BCL7A: variants seen among roughly 807,000 people sequenced by gnomAD.
BCL7A encodes BAF chromatin remodeling complex subunit BCL7A.
Under a neutral mutation model 28.4 loss-of-function variants are expected in BCL7A, and 11 were observed. That is an observed-to-expected ratio of 0.39 (90% CI 0.24 to 0.64). The LOEUF (loss-of-function observed/expected upper bound fraction) is 0.64, where lower values mean the gene tolerates loss of function less well. BCL7A is among the 30% of genes least tolerant of loss of function. The pLI, the probability that BCL7A is intolerant of heterozygous loss-of-function variation, is 0.50. For missense variants in BCL7A, 222 were observed against 274.8 expected (o/e 0.81, Z 1.36); for synonymous variants, 123 against 103.3 (o/e 1.19, Z -1.15).
At chr12:122,055,305 TG>T (rs1951869162) in intron 5 of BCL7A, among the ~76,000 whole-genome samples, 1 of 152,174 alleles carries the variant, frequency 6.6e-6, no homozygotes, top group Non-Finnish European at 1.5e-5. Flanking sequence ...ACCTAAGTGG[TG>T]GGGCCTCCGA....
chr12:122,024,750 G>T (rs1031810298), intron 1 of BCL7A, among the ~76,000 whole-genome samples: 1 of 152,098 alleles, frequency 6.6e-6, no homozygotes, highest in African/African-American at 2.4e-5. Flanking sequence ...AAATGTTTTT[G>T]AGTATGTCTC....
chr12:122,030,609 C>T, intron 1 of BCL7A, 91 bp from the exon 2 acceptor site: 2 of 1,209,376 alleles, frequency 1.7e-6, no homozygotes, highest in Non-Finnish European at 2.4e-6. Flanking sequence ...TCTGTGTGAT[C>T]TGGAGCTTGC....
At chr12:122,046,375 C>G (rs1323657658) in intron 4 of BCL7A, among the ~76,000 whole-genome samples, 1 of 152,162 alleles carries the variant, frequency 6.6e-6, no homozygotes, top group African/African-American at 2.4e-5. Flanking sequence ...AGGGCCACCC[C>G]AGGGCTCAGG....
intron 1 of BCL7A, among the ~76,000 whole-genome samples, chr12:122,023,438 TG>T: frequency 6.6e-6 from 1 of 152,246 alleles, no homozygotes; most frequent in Middle Eastern, 3.4e-3. Context: ...TAAAAGCCAC[TG>T]GGGGCGAGCC....
At chr12:122,053,948 A>C (rs949302387) in intron 4 of BCL7A, among the ~76,000 whole-genome samples, 1 of 152,144 alleles carries the variant, frequency 6.6e-6, no homozygotes, top group African/African-American at 2.4e-5. Context: ...GGAAACTGGA[A>C]AGACGGGAAT....
rs935757371 is a variant in BCL7A, at chr12:122,059,441, G to A, written c.*278G>A. The A allele has an allele frequency of 5.7e-5, 20 of 351,358 alleles. No homozygotes were observed. The highest frequency in any genetic ancestry group is 4.1e-4 in the African/African-American group (20 of 48,898). 21.8% of individuals were successfully genotyped at this position (351,358 alleles called of 1,614,324 possible). On this transcript the variant is annotated 3_prime_UTR_variant, in exon 6 of 6. Transcript: ENST00000261822. The surrounding 1 kb of genome is among the most constrained non-coding windows in gnomAD (Gnocchi z 4.0). ...TGTCTGCACACTGTCTCGGAAGCCAGGATTCCATTTGTGTTGCTGCTGTAT... is the reference window on the plus strand; with the variant it reads ...TGTCTGCACACTGTCTCGGAAGCCAAGATTCCATTTGTGTTGCTGCTGTAT...
chr12:122,046,788 G>C (rs1270311402), intron 4 of BCL7A, among the ~76,000 whole-genome samples: 7 of 152,208 alleles, frequency 4.6e-5, no homozygotes, highest in African/African-American at 1.7e-4. Flanking sequence ...AAGCAGAAGA[G>C]ACCCTTCCCT....
At position 122,061,848 on chromosome 12, in the gene BCL7A, A is replaced by C. The variant is rs1379438517; in HGVS notation, c.*2685A>C. On this transcript the variant is annotated 3_prime_UTR_variant, in exon 6 of 6. Transcript: ENST00000261822. ...AACGGTGTCATGGTTTGGAATGTTC[A>C]TTATCGCCAAGAACCTGGTTAGAGG... is the stretch of plus-strand genomic sequence containing the variant. 1 of 224,834 alleles carries C rather than the reference A, an allele frequency of 4.4e-6. No homozygotes were observed. Among genetic ancestry groups the C allele is most frequent in the East Asian group, 6.4e-5 (1 of 15,604 alleles). 13.9% of individuals were successfully genotyped at this position (224,834 alleles called of 1,614,324 possible).
intron 1 of BCL7A, among the ~76,000 whole-genome samples, chr12:122,023,377 A>C (rs2135834469): frequency 6.6e-6 from 1 of 152,266 alleles, no homozygotes; most frequent in African/African-American, 2.4e-5. Context: ...GCCCTGTGGC[A>C]GGGGATGTTT....
intron 3 of BCL7A, among the ~76,000 whole-genome samples, chr12:122,036,334 C>G (rs1883854831): frequency 6.6e-6 from 1 of 152,108 alleles, no homozygotes; most frequent in Non-Finnish European, 1.5e-5. Context: ...GAGTTCAAGG[C>G]TGCAGTGAGC....
rs141808409 is a variant in BCL7A, at chr12:122,054,915, G to C, written c.550G>C (p.Ala184Pro). The C allele has an allele frequency of 1.8e-5, 29 of 1,614,216 alleles. No homozygotes were observed. The African/African-American group carries it at 3.1e-4, about 17-fold the overall frequency. ...GDSGLAAETS[A>P]ISQDLEGVPP... ...CTCGGGTCTGGCCGCAGAGACGTCT[G>C]CAATCTCTCAGGTACCTCGCTCGAG... The change falls in exon 5 of 6, where the codon GCA (alanine) becomes CCA (proline). Residue 184 changes from alanine to proline, a missense_variant. Physicochemically the swap from Ala to Pro is conservative, Grantham distance 27. Coordinates refer to ENST00000261822, the MANE Select transcript of BCL7A (RefSeq NM_001024808.3).
Position 122,021,930 on chromosome 12 carries a change from ATGTGTGTGTGTGTGTG to A in BCL7A, c.-149_-134del, listed in dbSNP as rs1054142046. On this transcript the variant is annotated 5_prime_UTR_variant, in exon 1 of 6. An upstream open reading frame in the 5' UTR loses its in-frame stop. Transcript: ENST00000261822. ...GGCCCCGGGCTTTGTGTGTGTGTGTATGTGTGTGTGTGTGTGTGTGTGTGTGTGAGTGTGTGCGTGT... is the reference window on the plus strand; with the variant it reads ...GGCCCCGGGCTTTGTGTGTGTGTGTATGTGTGTGTGTGAGTGTGTGCGTGT... 7.7e-6 allele frequency: 3 copies of A among 388,184 alleles called. No individual in the cohort carries two copies. The highest frequency in any genetic ancestry group is 4.5e-5 in the East Asian group (1 of 22,012). 24.0% of individuals were successfully genotyped at this position (388,184 alleles called of 1,614,324 possible). A position where few individuals can be genotyped will look rare whatever the true frequency, so the allele number is the denominator to read the frequency against.
chr12:122,025,254 TTGGGAGGCTGAGAC>T, intron 1 of BCL7A, among the ~76,000 whole-genome samples: 1 of 150,498 alleles, frequency 6.6e-6, no homozygotes, highest in African/African-American at 2.4e-5. Flanking sequence ...TCCCAGAGCT[TTGGGAGGCTGAGAC>T]AGGAGGATTG....
intron 4 of BCL7A, among the ~76,000 whole-genome samples, chr12:122,051,119 G>A (rs1316932433): frequency 6.6e-6 from 1 of 152,206 alleles, no homozygotes; most frequent in Non-Finnish European, 1.5e-5. Context: ...TATGTTTTGA[G>A]TTAGTGTGTC....
At chr12:122,050,298 T>TGGGG (rs58969734) in intron 4 of BCL7A, among the ~76,000 whole-genome samples, 7 of 118,632 alleles carry the variant, frequency 5.9e-5, no homozygotes, top group African/African-American at 1.6e-4. Flanking sequence ...TTCTTTATTG[T>TGGGG]GGGGGGGGGG....
intron 4 of BCL7A, among the ~76,000 whole-genome samples, chr12:122,052,975 C>T (rs1884226620): frequency 6.7e-6 from 1 of 150,148 alleles, no homozygotes; most frequent in Non-Finnish European, 1.5e-5. Context: ...CAGGCGTGAG[C>T]CACCGTGCCT....
chr12:122,030,951 C>T (rs1051604494), intron 2 of BCL7A, among the ~76,000 whole-genome samples, 170 bp downstream of exon 2: 4 of 152,208 alleles, frequency 2.6e-5, no homozygotes, highest in African/African-American at 9.7e-5. Context: ...CCAGTCCCCA[C>T]CCCTCCCACT....
rs775869874 is a variant in BCL7A, at chr12:122,035,443, C to A, written c.271+16C>A. 6.2e-7 allele frequency: 1 copy of A among 1,606,566 alleles called. No homozygotes were observed. The highest frequency in any genetic ancestry group is 1.1e-5 in the South Asian group (1 of 90,842). ...GACATGCATGGTGAGTGCCCATGGCCTGCCAGCCTCTCCTGCCCAGCCCGG... is the reference window on the plus strand; with the variant it reads ...GACATGCATGGTGAGTGCCCATGGCATGCCAGCCTCTCCTGCCCAGCCCGG... On this transcript the variant is annotated intron_variant, in intron 3 of 5. Coordinates refer to ENST00000261822, the MANE Select transcript of BCL7A (RefSeq NM_001024808.3).
At chr12:122,058,999 G>A (rs886107049) in intron 5 of BCL7A, 93 bp from the exon 6 acceptor site, 23 of 1,120,846 alleles carry the variant, frequency 2.1e-5, no homozygotes, top group Non-Finnish European at 2.6e-5. Flanking sequence ...GCCCCCGCTC[G>A]GTTCCTTCCT....
Sources: allele counts gnomAD v4.1 joint callset (sites outside exome capture counted in the v4.1 genomes callset), GRCh38; gene constraint gnomAD v4.1.1; non-coding constraint Gnocchi (gnomAD v3.1); transcripts MANE v1.5; gene names NCBI Gene and HGNC (gene_info 2026-07-23, HGNC 2026-07-21).